Variants in CYTH3 observed in about 807,000 individuals in gnomAD.
CYTH3 encodes the protein cytohesin 3.
A neutral mutation model predicts 55.1 loss-of-function variants in CYTH3; 23 were observed. The ratio of observed to expected loss-of-function variants is 0.42; its 90% CI spans 0.30 to 0.59. The LOEUF (loss-of-function observed/expected upper bound fraction) is 0.59. CYTH3 is among the 20% of genes least tolerant of loss of function. The probability of loss-of-function intolerance (pLI) is 0.20; values close to 1 mark genes in which losing one functional copy is unlikely to be tolerated. For missense variants in CYTH3, 413 were observed against 524.8 expected (o/e 0.79, Z 2.08); for synonymous variants, 249 against 194.9 (o/e 1.28, Z -2.31).
intron 1 of CYTH3, among the ~76,000 whole-genome samples, chr7:6,205,918 A>T (rs1056876934): frequency 6.7e-6 from 1 of 150,252 alleles, no homozygotes; most frequent in African/African-American, 2.5e-5. Flanking sequence ...TATTTTAGAA[A>T]ATAATTTTGT....
intron 1 of CYTH3, among the ~76,000 whole-genome samples, chr7:6,244,857 C>T (rs1043870944): frequency 5.3e-5 from 8 of 149,622 alleles, no homozygotes; most frequent in African/African-American, 2.0e-4. Flanking sequence ...GGTGCAATCT[C>T]GGCTCACTGC....
intron 1 of CYTH3, among the ~76,000 whole-genome samples, chr7:6,267,557 G>T (rs978635575): frequency 6.6e-6 from 1 of 152,084 alleles, no homozygotes; most frequent in African/African-American, 2.4e-5. Context: ...TTTTGAGACC[G>T]AGTCTCACTC....
At chr7:6,238,292 C>T (rs1428007360) in intron 1 of CYTH3, among the ~76,000 whole-genome samples, 2 of 151,990 alleles carry the variant, frequency 1.3e-5, no homozygotes, top group African/African-American at 2.4e-5. Flanking sequence ...AAGAAACAAC[C>T]TTGAAGCACA....
At chr7:6,241,128 A>C (rs1488559160) in intron 1 of CYTH3, among the ~76,000 whole-genome samples, 1 of 152,168 alleles carries the variant, frequency 6.6e-6, no homozygotes, top group Non-Finnish European at 1.5e-5. Context: ...CTCAAAAAAA[A>C]AAAGAAATAC....
chr7:6,179,699 C>A (rs1353400711), intron 4 of CYTH3, among the ~76,000 whole-genome samples: 10 of 108,198 alleles, frequency 9.2e-5, no homozygotes, highest in Non-Finnish European at 1.5e-4. Context: ...CCCACACACA[C>A]ACCCCACACA....
chr7:6,170,442 G>A lies in CYTH3; in HGVS notation c.823+93C>T. 1 of 1,156,834 alleles carries A rather than the reference G, an allele frequency of 8.6e-7. No individual in the cohort carries two copies. The highest frequency in any genetic ancestry group is 1.4e-5 in the South Asian group (1 of 69,102). The allele number at this position is 1,156,834 out of a possible 1,614,324, so 71.7% of individuals were successfully genotyped here. A position where few individuals can be genotyped will look rare whatever the true frequency, so the allele number is the denominator to read the frequency against. On this transcript the variant is annotated intron_variant, in intron 9 of 12. Transcript: ENST00000350796. The surrounding 1 kb of genome is among the most constrained non-coding windows in gnomAD (Gnocchi z 7.8). The stretch of plus-strand genomic sequence containing the variant: ...TTTTTAACGTCTCTGCCTGCGGTGG[G>A]GGGCATTCCTACGATGAGCCTGGGA...
At chr7:6,222,254 G>A (rs932425412) in intron 1 of CYTH3, among the ~76,000 whole-genome samples, 2 of 152,212 alleles carry the variant, frequency 1.3e-5, no homozygotes, top group African/African-American at 4.8e-5. Flanking sequence ...ACGGAAGGAA[G>A]ATTAGGGCTT....
At chr7:6,179,494 T>TC (rs1783421018) in intron 4 of CYTH3, among the ~76,000 whole-genome samples, 1 of 151,966 alleles carries the variant, frequency 6.6e-6, no homozygotes, top group South Asian at 2.1e-4. Context: ...AATGTTATTC[T>TC]CCAGAAAAAT....
Position 6,164,933 on chromosome 7 carries a change from A to G in CYTH3, c.*11T>C. On this transcript the variant is annotated 3_prime_UTR_variant, in exon 13 of 13. Coordinates refer to ENST00000350796, the MANE Select transcript of CYTH3 (RefSeq NM_004227.4). The stretch of plus-strand genomic sequence containing the variant: ...GTTGGGTCTTTTACCTGGGTCTTTT[A>G]GCCAGGAAAGCTATTTTTTATTGGC... 6.2e-7 allele frequency: 1 copy of G among 1,614,198 alleles called. No homozygotes were observed. The highest frequency in any genetic ancestry group is 8.5e-7 in the Non-Finnish European group (1 of 1,180,022).
intron 5 of CYTH3, among the ~76,000 whole-genome samples, chr7:6,175,070 T>C (rs1351224668): frequency 1.3e-5 from 2 of 152,260 alleles, no homozygotes; most frequent in Non-Finnish European, 2.9e-5. Flanking sequence ...CCTTATAATC[T>C]GCTAAGGACT....
chr7:6,207,951 G>A (rs372318775), intron 1 of CYTH3, among the ~76,000 whole-genome samples: 15 of 151,962 alleles, frequency 9.9e-5, no homozygotes, highest in African/African-American at 3.6e-4. Flanking sequence ...CCCTGTCTTG[G>A]GGGGGTGGGG....
rs200250836 is a variant in CYTH3, at chr7:6,196,606, C to T, written c.35-6075G>A. 3.2e-4 allele frequency among the ~76,000 whole-genome samples: 49 copies of T among 152,010 alleles called. No homozygotes were observed. In the East Asian group the frequency reaches 8.9e-3, roughly 28 times the overall value. ...TCACAAGTAGCTGGGATTATAGGCA[C>T]GCACCACCATGCCCAGCTAATTTTC... On this transcript the variant is annotated intron_variant, in intron 1 of 12. Transcript: ENST00000350796.
intron 1 of CYTH3, among the ~76,000 whole-genome samples, chr7:6,259,790 T>TATATATA (rs1562417700): frequency 4.7e-4 from 7 of 14,982 alleles, no homozygotes; most frequent in Non-Finnish European, 6.1e-4. Flanking sequence ...ATATAATATA[T>TATATATA]ATATATATAT....
chr7:6,173,978 G>A (rs1783268477), intron 5 of CYTH3, among the ~76,000 whole-genome samples: 1 of 152,140 alleles, frequency 6.6e-6, no homozygotes, highest in Non-Finnish European at 1.5e-5. Flanking sequence ...TGGGATTACA[G>A]GCATGAGCCC....
At chr7:6,215,522 G>A (rs1032858300) in intron 1 of CYTH3, among the ~76,000 whole-genome samples, 9 of 151,182 alleles carry the variant, frequency 6.0e-5, no homozygotes, top group South Asian at 2.1e-4. Context: ...CCCAGGAGGC[G>A]GAGCTTGCAG....
chr7:6,267,356 C>A (rs1780525662), intron 1 of CYTH3, among the ~76,000 whole-genome samples: 2 of 152,120 alleles, frequency 1.3e-5, no homozygotes, highest in South Asian at 4.1e-4. Context: ...GTAGAGACAC[C>A]ATCAACATTT....
chr7:6,234,600 C>T (rs1377848034), intron 1 of CYTH3, among the ~76,000 whole-genome samples: 1 of 152,174 alleles, frequency 6.6e-6, no homozygotes, highest in East Asian at 1.9e-4. Context: ...CGGGACATCC[C>T]ACACCTGTGA....
chr7:6,219,989 C>G (rs1252877573), intron 1 of CYTH3, among the ~76,000 whole-genome samples: 1 of 152,036 alleles, frequency 6.6e-6, no homozygotes, highest in Non-Finnish European at 1.5e-5. Flanking sequence ...AGAGAGAACT[C>G]AGAAGAGCCC....
At position 6,177,710 on chromosome 7, in the gene CYTH3, G is replaced by A. The variant is rs986799624; in HGVS notation, c.368+113C>T. 23 of 791,530 alleles carry A rather than the reference G, an allele frequency of 2.9e-5. 1 individual carries two copies. The highest frequency in any genetic ancestry group is 3.8e-4 in the Middle Eastern group (1 of 2,618). 49.0% of individuals were successfully genotyped at this position (791,530 alleles called of 1,614,324 possible). ...ACGGGCATGTGGATGCCCACAGCCC[G>A]TGGCTCTATCATGCCTTTAGGCTGT... On this transcript the variant is annotated intron_variant, in intron 5 of 12. Transcript: ENST00000350796.
Sources: gnomAD v4.1 joint callset for allele counts (sites outside exome capture counted in the v4.1 genomes callset) on GRCh38, gnomAD v4.1.1 for gene constraint, Gnocchi (gnomAD v3.1) non-coding constraint, MANE v1.5 for transcripts, NCBI Gene and HGNC (gene_info 2026-07-23, HGNC 2026-07-21) for gene names.